CNTN5: variants seen among roughly 807,000 people sequenced by gnomAD.
CNTN5 encodes contactin-5.
Under a neutral mutation model 129.1 loss-of-function variants are expected in CNTN5, and 77 were observed. The ratio of observed to expected loss-of-function variants is 0.60; its 90% CI spans 0.50 to 0.72. CNTN5 has a LOEUF of 0.72. Among genes scored for constraint, CNTN5 ranks in the 30% least tolerant of loss-of-function variants. The pLI, the probability that CNTN5 is intolerant of heterozygous loss-of-function variation, is 0.00. For missense variants in CNTN5, 1,478 were observed against 1,328.8 expected, an observed-to-expected ratio of 1.11 and a Z score of -1.75; for synonymous variants, 509 against 465.6, an observed-to-expected ratio of 1.09 and a Z score of -1.20.
chr11:99,994,001 G>T (rs1313289072), intron 8 of CNTN5, among the ~76,000 whole-genome samples: 1 of 152,076 alleles, frequency 6.6e-6, no homozygotes, highest in South Asian at 2.1e-4. Context: ...TTAATATATA[G>T]TTCAGATATT....
At chr11:99,424,349 G>T (rs1045444887) in intron 2 of CNTN5, among the ~76,000 whole-genome samples, 1 of 152,312 alleles carries the variant, frequency 6.6e-6, no homozygotes, top group East Asian at 1.9e-4. Flanking sequence ...GGGGGTTGTC[G>T]CTTTCCCAGC....
At chr11:99,176,637 C>G (rs12792696) in intron 1 of CNTN5, among the ~76,000 whole-genome samples, 29,254 of 152,156 alleles carry the variant, frequency 0.19, 3,027 homozygotes, top group Non-Finnish European at 0.23. Context: ...ACATCATTTC[C>G]AGTGTGTCAG....
In CNTN5 at chr11:99,020,952, C is replaced by A. The variant is rs1862844911; in HGVS notation, c.-528C>A. 1 of 152,800 alleles carries A rather than the reference C, an allele frequency of 6.5e-6. No individual in the cohort carries two copies. Among genetic ancestry groups the A allele is most frequent in the East Asian group, 1.9e-4 (1 of 5,190 alleles). The allele number at this position is 152,800 out of a possible 1,614,324, so 9.5% of individuals were successfully genotyped here. A position where few individuals can be genotyped will look rare whatever the true frequency, so the allele number is the denominator to read the frequency against. ...GGAAAACACGCGAGCCCCAAACACACCAGCCGCAGGAGGCGCCGCACCTAC... is the reference window on the plus strand; with the variant it reads ...GGAAAACACGCGAGCCCCAAACACAACAGCCGCAGGAGGCGCCGCACCTAC... On this transcript the variant is annotated 5_prime_UTR_variant, in exon 1 of 25. Transcript: ENST00000524871.
intron 1 of CNTN5, among the ~76,000 whole-genome samples, chr11:99,086,282 G>C (rs144549421): frequency 1.1e-4 from 16 of 152,286 alleles, no homozygotes; most frequent in African/African-American, 3.8e-4. Context: ...AATAGACTGT[G>C]ATCTTTTAGA....
chr11:100,027,930 T>C (rs1485928796), intron 9 of CNTN5, among the ~76,000 whole-genome samples: 2 of 152,228 alleles, frequency 1.3e-5, no homozygotes, highest in African/African-American at 2.4e-5. Context: ...TTTCTCATTT[T>C]TATTTACTCA....
At position 99,528,097 on chromosome 11, in the gene CNTN5, C is replaced by T. The variant is rs373657209; in HGVS notation, c.-70-28048C>T. Among the ~76,000 whole-genome samples, 3 of 152,202 alleles carry T rather than the reference C, an allele frequency of 2.0e-5. No homozygotes were observed. In the East Asian group the frequency reaches 5.8e-4, roughly 29 times the overall value. ...GAAAGCTTTGCTAGAATGATGCTGT[C>T]ATAAAACACTAAATTCAGGAGAACT... On this transcript the variant is annotated intron_variant, in intron 2 of 24. Transcript: ENST00000524871.
chr11:99,073,752 T>G (rs1865442389), intron 1 of CNTN5, among the ~76,000 whole-genome samples: 1 of 152,170 alleles, frequency 6.6e-6, no homozygotes, highest in African/African-American at 2.4e-5. Flanking sequence ...CTGCATAGTA[T>G]TCCATGGTAT....
intron 9 of CNTN5, among the ~76,000 whole-genome samples, chr11:100,036,201 C>T (rs1009245033): frequency 2.6e-5 from 4 of 152,218 alleles, no homozygotes; most frequent in African/African-American, 9.6e-5. Flanking sequence ...GCCAGTTTTT[C>T]CAGCACCATT....
intron 13 of CNTN5, among the ~76,000 whole-genome samples, chr11:100,115,132 A>AG (rs1945798468): frequency 6.6e-6 from 1 of 150,784 alleles, no homozygotes; most frequent in South Asian, 2.1e-4. Flanking sequence ...AAAAAAAAAA[A>AG]AAAAAAAGAA....
chr11:99,640,354 G>A (rs1055881985), intron 3 of CNTN5, among the ~76,000 whole-genome samples: 3 of 152,148 alleles, frequency 2.0e-5, no homozygotes, highest in Non-Finnish European at 4.4e-5. Context: ...CATATGCCTG[G>A]CAAGGCCTCT....
chr11:100,225,412 AC>A, intron 16 of CNTN5: 1 of 152,268 alleles, frequency 6.6e-6, no homozygotes, highest in South Asian at 2.1e-4. Context: ...TGACTAGAGC[AC>A]CCATTTCCTT....
At chr11:99,296,048 A>G (rs185117233) in intron 1 of CNTN5, among the ~76,000 whole-genome samples, 20 of 152,294 alleles carry the variant, frequency 1.3e-4, no homozygotes, top group African/African-American at 3.9e-4. Context: ...AGTATACCCT[A>G]TAAGTGCACT....
At position 100,309,053 on chromosome 11, in the gene CNTN5, T is replaced by A. The variant is rs1014353676; in HGVS notation, c.2730+585T>A. On this transcript the variant is annotated intron_variant, in intron 21 of 24. Coordinates refer to ENST00000524871, the MANE Select transcript of CNTN5 (RefSeq NM_014361.4). ...GCAGAGAATAGCAGATTGTGAGTAG[T>A]CTGTGAACATGAATATTTTATGATA... 24 of 984,996 alleles carry A rather than the reference T, an allele frequency of 2.4e-5. No individual in the cohort carries two copies. The African/African-American group carries it at 4.0e-4, about 17-fold the overall frequency. The allele number at this position is 984,996 out of a possible 1,614,324, so 61.0% of individuals were successfully genotyped here.
intron 15 of CNTN5, among the ~76,000 whole-genome samples, chr11:100,200,328 G>C (rs1420091290): frequency 2.0e-5 from 3 of 152,046 alleles, no homozygotes; most frequent in South Asian, 4.1e-4. Context: ...ACGTCTTCAA[G>C]TTGTCCCATA....
intron 6 of CNTN5, among the ~76,000 whole-genome samples, chr11:99,862,260 A>G (rs1379597239): frequency 2.0e-5 from 3 of 152,134 alleles, no homozygotes; most frequent in Admixed American, 1.3e-4. Context: ...TTAATAATAC[A>G]TTCACTTTTA....
intron 18 of CNTN5, among the ~76,000 whole-genome samples, chr11:100,280,376 T>C (rs1950609836): frequency 6.6e-6 from 1 of 151,710 alleles, no homozygotes; most frequent in African/African-American, 2.4e-5. Context: ...TGAGTGCACA[T>C]GTATTTCAAA....
At chr11:99,054,572 T>G (rs1864555076) in intron 1 of CNTN5, among the ~76,000 whole-genome samples, 1 of 151,834 alleles carries the variant, frequency 6.6e-6, no homozygotes, top group Non-Finnish European at 1.5e-5. Flanking sequence ...AAGTGTTCCT[T>G]AAAACTTTTC....
At chr11:100,019,855 C>A (rs1941033557) in intron 9 of CNTN5, among the ~76,000 whole-genome samples, 1 of 151,948 alleles carries the variant, frequency 6.6e-6, no homozygotes, top group Admixed American at 6.6e-5. Context: ...TACTTGTTAT[C>A]TTTTGTCTTT....
chr11:99,880,486 A>G (rs1948743902), intron 6 of CNTN5, among the ~76,000 whole-genome samples: 1 of 152,178 alleles, frequency 6.6e-6, no homozygotes, highest in Non-Finnish European at 1.5e-5. Context: ...GGCACTGTAA[A>G]TGACCAACTG....
Sources: allele counts gnomAD v4.1 joint callset (sites outside exome capture counted in the v4.1 genomes callset), GRCh38; gene constraint gnomAD v4.1.1; transcripts MANE v1.5; gene names NCBI Gene and HGNC (gene_info 2026-07-23, HGNC 2026-07-21).